The following PNPLA7 variants were observed in gnomAD, a reference collection of about 807,000 sequenced individuals.
PNPLA7 encodes patatin like domain 7, lysophospholipase, also known as patatin-like phospholipase domain-containing protein 7.
Under a neutral mutation model 161.7 loss-of-function variants are expected in PNPLA7, and 153 were observed. That is an observed-to-expected ratio of 0.95 (90% CI 0.83 to 1.08). The LOEUF is 1.08. Ranked by LOEUF, PNPLA7 falls within the 50% of genes least tolerant of loss-of-function variation. The pLI is 0.00. For synonymous variants in PNPLA7, 809 were observed against 782.1 expected (o/e 1.03, Z -0.57); for missense variants, 1,739 against 1,856.6 (o/e 0.94, Z 1.16).
Position 137,498,222 on chromosome 9 carries a change from A to G in PNPLA7, c.1781T>C (p.Val594Ala). The G allele has an allele frequency of 6.2e-7, 1 of 1,612,046 alleles. No individual in the cohort carries two copies. Among genetic ancestry groups the G allele is most frequent in the Non-Finnish European group, 8.5e-7 (1 of 1,179,958 alleles). ...CACAGTGTGCGCCACACCCAGGACG[A>G]CGGTCGGCTGCTTCCGCATGATTCT... ...FYEIMRKQPTVVLGVAHTVVK... is the reference protein window; with the variant it reads ...FYEIMRKQPTAVLGVAHTVVK... Residue 594 changes from valine (V) to alanine (A), a missense_variant, in exon 17 of 35, where the codon GTC (valine) becomes GCC (alanine). Physicochemically the swap from Val to Ala is moderately conservative, Grantham distance 64. This residue lies in a region of PNPLA7 where 481 missense variants were observed against 450.0 expected (regional missense o/e 1.07). Coordinates refer to ENST00000406427, the MANE Select transcript of PNPLA7 (RefSeq NM_001098537.3).
chr9:137,491,422 ACACATG>A, intron 20 of PNPLA7: 3 of 924,026 alleles, frequency 3.2e-6, no homozygotes, highest in Non-Finnish European at 3.9e-6. Context: ...GGGATGAGGA[ACACATG>A]ATCCAACCGG....
chr9:137,491,537 T>A (rs1832763209), intron 20 of PNPLA7: 2 of 985,208 alleles, frequency 2.0e-6, no homozygotes, highest in Admixed American at 6.2e-5. Context: ...CCCCCAAAAT[T>A]CACAGTGCAG....
chr9:137,505,977 G>A lies in PNPLA7; in HGVS notation c.1326+6C>T, dbSNP rs773287498. On this transcript the variant is annotated splice_donor_region_variant and intron_variant, in intron 13 of 34. Coordinates refer to ENST00000406427, the MANE Select transcript of PNPLA7 (RefSeq NM_001098537.3). ...GCGGAGGGTGAGAATGACAGCCAGG[G>A]CCTACCTTGCTGGCCACGGAGCTCC... is the stretch of plus-strand genomic sequence containing the variant. The A allele has an allele frequency of 6.2e-7, 1 of 1,605,522 alleles. No individual in the cohort carries two copies. Among genetic ancestry groups the A allele is most frequent in the East Asian group, 2.2e-5 (1 of 44,582 alleles).
rs1030042245 is a variant in PNPLA7, at chr9:137,537,319, A to G, written c.747+3323T>C. Among the ~76,000 whole-genome samples, 4 of 146,576 alleles carry G rather than the reference A, an allele frequency of 2.7e-5. No homozygotes were observed. Among genetic ancestry groups the G allele is most frequent in the Non-Finnish European group, 6.1e-5 (4 of 66,070 alleles). On this transcript the variant is annotated intron_variant, in intron 8 of 34. Transcript: ENST00000406427. This position sits in a 1 kb window ranked among gnomAD's most constrained non-coding sequence, Gnocchi z 4.5. ...ATTACCTCTCTCAGATATCACCCCC[A>G]TTTTTTTTTTTGAGACAGAGTTGGA...
At position 137,499,737 on chromosome 9, in the gene PNPLA7, C is replaced by T. The variant is rs1833276581; in HGVS notation, c.1757+954G>A. Among the ~76,000 whole-genome samples, 2 of 152,252 alleles carry T rather than the reference C, an allele frequency of 1.3e-5. No individual in the cohort carries two copies. The highest frequency in any genetic ancestry group is 3.8e-4 in the East Asian group (2 of 5,202). On this transcript the variant is annotated intron_variant, in intron 16 of 34. Transcript: ENST00000406427. The surrounding 1 kb of genome is among the most constrained non-coding windows in gnomAD (Gnocchi z 5.5). Reference sequence around the variant, plus strand: ...CCGGCTCGGGGTCCCCAGGCTGAAGCAGCAACGGCGCGGTGCCATTTGCTG... The same window carrying T: ...CCGGCTCGGGGTCCCCAGGCTGAAGTAGCAACGGCGCGGTGCCATTTGCTG...
intron 8 of PNPLA7, among the ~76,000 whole-genome samples, chr9:137,533,690 C>T (rs995416823): frequency 1.3e-5 from 2 of 151,048 alleles, no homozygotes; most frequent in Non-Finnish European, 3.0e-5. Flanking sequence ...GTGTCCACTC[C>T]AGATGGGAGC....
In PNPLA7 at chr9:137,479,123, C is replaced by G. The variant is rs61747535; in HGVS notation, c.2696G>C (p.Trp899Ser). 85,948 of 1,597,058 alleles carry G rather than the reference C, an allele frequency of 0.054. 2,641 individuals are homozygous for G. The highest frequency in any genetic ancestry group is 0.083 in the Middle Eastern group (431 of 5,194). Residue 899 changes from tryptophan (W) to serine (S), a missense_variant, in exon 24 of 35, where the codon TGG becomes TCG. Around this residue, in one of 6 missense-constraint regions of PNPLA7, gnomAD observed 703 missense variants for 694.6 expected, o/e 1.01. Coordinates refer to ENST00000406427, the MANE Select transcript of PNPLA7 (RefSeq NM_001098537.3). ...RTVEWLNMRSWCSGHLHLCCP... is the reference protein window; with the variant it reads ...RTVEWLNMRSSCSGHLHLCCP... ...GCAGAGGTGCAGGTGGCCGGAGCAC[C>G]AGCTCCGCATGTTGAGCCACTCCAC...
At chr9:137,539,149 G>A (rs904265488) in intron 8 of PNPLA7, among the ~76,000 whole-genome samples, 2 of 152,094 alleles carry the variant, frequency 1.3e-5, no homozygotes, top group African/African-American at 2.4e-5. Flanking sequence ...GTCAGGAGTT[G>A]GAGATCAGCC....
chr9:137,480,385 G>A lies in PNPLA7; in HGVS notation c.2507C>T (p.Thr836Ile). 1 of 1,613,620 alleles carries A rather than the reference G, an allele frequency of 6.2e-7. No individual in the cohort carries two copies. Reference protein sequence around the residue: ...YQADGTLTPWTQRCVRQADCI... With the variant: ...YQADGTLTPWIQRCVRQADCI... ...GTCGGCCTGGCGCACGCAGCGCTGGGTCCAGGGTGTGAGCGTGCCATCTGC... is the reference window on the plus strand; with the variant it reads ...GTCGGCCTGGCGCACGCAGCGCTGGATCCAGGGTGTGAGCGTGCCATCTGC... The change falls in exon 23 of 35, where the codon ACC (threonine) becomes ATC (isoleucine). Residue 836 changes from threonine to isoleucine, a missense_variant. Transcript: ENST00000406427.
At chr9:137,496,667 C>T (rs956459455) in intron 18 of PNPLA7, among the ~76,000 whole-genome samples, 22 of 152,054 alleles carry the variant, frequency 1.4e-4, no homozygotes, top group African/African-American at 2.9e-4. Context: ...GTTGAGATCG[C>T]GCCACTGCAC....
In PNPLA7 at chr9:137,515,445, G is replaced by A. The variant is rs747295601; in HGVS notation, c.1159C>T (p.Arg387Cys). 2.6e-5 allele frequency: 41 copies of A among 1,599,818 alleles called. 1 individual carries two copies. Among genetic ancestry groups the A allele is most frequent in the Middle Eastern group, 3.3e-4 (2 of 6,050 alleles). The change falls in exon 12 of 35, where the codon CGC (arginine) becomes TGC (cysteine). Residue 387 changes from arginine to cysteine, a missense_variant. Arg to Cys is a radical substitution (Grantham distance 180). Transcript: ENST00000406427. ...TCCAGCTCCTCCAAGATCTGTTTGCGAATGGAAGGCGCGGGGACGGAGTGG... is the reference window on the plus strand; with the variant it reads ...TCCAGCTCCTCCAAGATCTGTTTGCAAATGGAAGGCGCGGGGACGGAGTGG... ...RSHSVPAPSI[R>C]KQILEELEKP...
At chr9:137,503,014 G>A (rs1833581170) in intron 14 of PNPLA7, among the ~76,000 whole-genome samples, 1 of 151,826 alleles carries the variant, frequency 6.6e-6, no homozygotes, top group Admixed American at 6.6e-5. Context: ...GGGATGCTAG[G>A]TACTCACCTT....
Position 137,493,095 on chromosome 9 carries a change from A to G in PNPLA7, c.2128-13T>C. On this transcript the variant is annotated splice_polypyrimidine_tract_variant and intron_variant, in intron 19 of 34. Transcript: ENST00000406427. ...GCCGAGTCACCACCTGCGGGCAGAC[A>G]CAGGAGCCAAGAGCCACACGTTTTA... 1 of 1,613,822 alleles carries G rather than the reference A, an allele frequency of 6.2e-7. No individual in the cohort carries two copies.
chr9:137,475,194 C>T (rs189111686), intron 25 of PNPLA7, among the ~76,000 whole-genome samples: 150 of 151,622 alleles, frequency 9.9e-4, no homozygotes, highest in African/African-American at 3.5e-3. Context: ...GAAGGCCCAT[C>T]ATGCACTTTC....
intron 19 of PNPLA7, among the ~76,000 whole-genome samples, 174 bp downstream of exon 19, chr9:137,494,859 G>A (rs1447414265): frequency 7.0e-6 from 1 of 143,204 alleles, no homozygotes; most frequent in African/African-American, 2.7e-5. Flanking sequence ...CCTGCGCCCT[G>A]CCCTCACCTG....
intron 4 of PNPLA7, among the ~76,000 whole-genome samples, chr9:137,544,358 G>T (rs1287977720): frequency 6.6e-6 from 1 of 152,216 alleles, no homozygotes; most frequent in Non-Finnish European, 1.5e-5. Flanking sequence ...ACTGCCTGCT[G>T]CCCCTCGGTC....
At chr9:137,491,904 T>C (rs1014905740) in intron 20 of PNPLA7, 2 of 985,398 alleles carry the variant, frequency 2.0e-6, no homozygotes, top group Non-Finnish European at 2.4e-6. Flanking sequence ...CTGAGAGTGC[T>C]GGGCGGATGG....
rs368972520 is a variant in PNPLA7 at position 137,498,079 on chromosome 9, C to T, written c.1889+35G>A. On this transcript the variant is annotated intron_variant, in intron 17 of 34. Coordinates refer to ENST00000406427, the MANE Select transcript of PNPLA7 (RefSeq NM_001098537.3). ...CCCCAGCTCCTGCATGCCAGGGCAGCATGGATGCGGAGTGTGTGGCACCCA... is the reference window on the plus strand; with the variant it reads ...CCCCAGCTCCTGCATGCCAGGGCAGTATGGATGCGGAGTGTGTGGCACCCA... The T allele has an allele frequency of 2.5e-6, 4 of 1,598,222 alleles. No homozygotes were observed. In the South Asian group the frequency reaches 3.3e-5, roughly 13 times the overall value.
chr9:137,491,657 A>G (rs1832769190), intron 20 of PNPLA7: 1 of 985,430 alleles, frequency 1.0e-6, no homozygotes, highest in Middle Eastern at 5.2e-4. Context: ...AGAGGAACTC[A>G]GATGAAGATG....
Sources: allele counts gnomAD v4.1 joint callset (sites outside exome capture counted in the v4.1 genomes callset), GRCh38; gene constraint gnomAD v4.1.1; regional missense constraint gnomAD v4.1.1; non-coding constraint Gnocchi (gnomAD v3.1); transcripts MANE v1.5; gene names NCBI Gene and HGNC (gene_info 2026-07-23, HGNC 2026-07-21).